The following TADA2A variants were observed in gnomAD, a reference collection of about 807,000 sequenced individuals.
TADA2A encodes transcriptional adaptor 2A.
In TADA2A, 38 loss-of-function variants were observed where a neutral mutation model predicts 67.4. The ratio of observed to expected loss-of-function variants is 0.56; its 90% confidence interval spans 0.44 to 0.74. TADA2A has a LOEUF of 0.74. TADA2A is among the 30% of genes least tolerant of loss of function. The probability of loss-of-function intolerance (pLI) is 0.00; values close to 1 mark genes in which losing one functional copy is unlikely to be tolerated. For synonymous variants in TADA2A, 192 were observed against 181.6 expected, an observed-to-expected ratio of 1.06 and a Z score of -0.46; for missense variants, 454 against 547.0, an observed-to-expected ratio of 0.83 and a Z score of 1.70.
intron 5 of TADA2A, among the ~76,000 whole-genome samples, chr17:37,439,563 G>A (rs1471082120): frequency 6.6e-6 from 1 of 152,076 alleles, no homozygotes; most frequent in Non-Finnish European, 1.5e-5. Flanking sequence ...AATAACAGAT[G>A]TGCCCCACCA....
intron 2 of TADA2A, among the ~76,000 whole-genome samples, chr17:37,411,787 CGAT>C (rs1489190258): frequency 1.1e-4 from 16 of 151,648 alleles, no homozygotes; most frequent in African/African-American, 3.4e-4. Flanking sequence ...GAAAAATAAA[CGAT>C]GAAGTTAGGC....
chr17:37,434,807 G>T (rs1043488808), intron 4 of TADA2A, among the ~76,000 whole-genome samples: 2 of 70,650 alleles, frequency 2.8e-5, no homozygotes, highest in Admixed American at 3.8e-4. Flanking sequence ...TGGTTCCCTA[G>T]CATCCTCTAC....
chr17:37,474,601 C>T lies in TADA2A; in HGVS notation c.1118C>T (p.Thr373Ile). The T allele has an allele frequency of 6.2e-7, 1 of 1,613,208 alleles. No individual in the cohort carries two copies. The highest frequency in any genetic ancestry group is 8.5e-7 in the Non-Finnish European group (1 of 1,179,728). ...TTGAACCTCACTGGCCTCCCTGGCA[C>T]AGAGAAGCTGAATGAAAAAGAAAAG... ...PPLNLTGLPG[T>I]EKLNEKEKEL... The change falls in exon 15 of 16, where the codon ACA becomes ATA. Residue 373 changes from threonine (T) to isoleucine (I), a missense_variant. Thr to Ile is a moderately conservative substitution (Grantham distance 89, BLOSUM62 -1). This residue lies in a region of TADA2A where 51 missense variants were observed against 91.5 expected (regional missense o/e 0.56). Coordinates refer to ENST00000615182, the MANE Select transcript of TADA2A (RefSeq NM_001166105.3).
intron 2 of TADA2A, among the ~76,000 whole-genome samples, chr17:37,413,812 T>C: frequency 6.6e-6 from 1 of 152,108 alleles, no homozygotes; most frequent in Non-Finnish European, 1.5e-5. Flanking sequence ...TTAGTTTTTA[T>C]TTTAAGTTCA....
At chr17:37,468,044 T>A (rs1199151201) in intron 12 of TADA2A, among the ~76,000 whole-genome samples, 2 of 151,664 alleles carry the variant, frequency 1.3e-5, no homozygotes, top group Non-Finnish European at 2.9e-5. Flanking sequence ...ATGGTGCCAC[T>A]GTACTCCAGC....
Position 37,462,109 on chromosome 17 carries a change from A to T in TADA2A, c.700A>T (p.Arg234Ter), listed in dbSNP as rs774675965. ...IIRDHGLINL[R>*]KFQLMERRYP... ...AAGAGACCATGGATTAATCAACCTT[A>T]GAAAGTTTCAATGTAAGTATTAGCA... Residue 234 changes from arginine to a stop codon, truncating the protein, a stop_gained, in exon 10 of 16, where the codon AGA becomes TGA. Transcript: ENST00000615182. LOFTEE classifies it high-confidence loss of function. 7 of 1,568,828 alleles carry T rather than the reference A, an allele frequency of 4.5e-6. No homozygotes were observed. Among genetic ancestry groups the T allele is most frequent in the Non-Finnish European group, 6.1e-6 (7 of 1,148,512 alleles).
intron 12 of TADA2A, among the ~76,000 whole-genome samples, chr17:37,469,942 G>GGAGAA (rs1251294347): frequency 1.3e-5 from 2 of 152,122 alleles, no homozygotes; most frequent in Non-Finnish European, 2.9e-5. Flanking sequence ...TAAGAAATAT[G>GGAGAA]GAGAAGAGGT....
chr17:37,438,883 G>A (rs1381880295), intron 5 of TADA2A, among the ~76,000 whole-genome samples: 1 of 152,150 alleles, frequency 6.6e-6, no homozygotes, highest in Non-Finnish European at 1.5e-5. Flanking sequence ...TCCGCTGTGG[G>A]TAAGGCACTA....
At chr17:37,457,491 C>CTT (rs71135729) in intron 8 of TADA2A, among the ~76,000 whole-genome samples, 303 of 72,392 alleles carry the variant, frequency 4.2e-3, no homozygotes, top group Non-Finnish European at 6.0e-3. Flanking sequence ...AACATTAATT[C>CTT]TTTTTTTTTT....
chr17:37,444,712 C>T lies in TADA2A; in HGVS notation c.548C>T (p.Ala183Val), dbSNP rs367698801. 3.7e-6 allele frequency: 6 copies of T among 1,613,724 alleles called. No homozygotes were observed. In the African/African-American group the frequency reaches 5.3e-5, roughly 14 times the overall value. ...CCTAAACAGGAATTTGACAATTATGCAGAATGGGACTTGAGAGACATTGAT... is the reference window on the plus strand; with the variant it reads ...CCTAAACAGGAATTTGACAATTATGTAGAATGGGACTTGAGAGACATTGAT... ...ADFIEEFDNY[A>V]EWDLRDIDFV... The change falls in exon 8 of 16, where the codon GCA becomes GTA. Residue 183 changes from alanine (A) to valine (V), a missense_variant. Transcript: ENST00000615182.
chr17:37,470,805 A>G (rs2053770878), intron 13 of TADA2A, among the ~76,000 whole-genome samples: 1 of 152,054 alleles, frequency 6.6e-6, no homozygotes, highest in African/African-American at 2.4e-5. Flanking sequence ...CTCTCTCTTC[A>G]TACCTAGATT....
intron 8 of TADA2A, among the ~76,000 whole-genome samples, chr17:37,447,496 G>C (rs2053117327): frequency 6.6e-6 from 1 of 152,012 alleles, no homozygotes; most frequent in Non-Finnish European, 1.5e-5. Flanking sequence ...CTTCAGATTT[G>C]GGTATGGTTG....
At chr17:37,447,737 G>A (rs570117275) in intron 8 of TADA2A, among the ~76,000 whole-genome samples, 2 of 152,330 alleles carry the variant, frequency 1.3e-5, no homozygotes, top group Admixed American at 6.5e-5. Context: ...AGCTCCTGTG[G>A]CAGCATGACC....
At chr17:37,417,582 TAG>T (rs1406466169) in intron 2 of TADA2A, among the ~76,000 whole-genome samples, 1 of 152,088 alleles carries the variant, frequency 6.6e-6, no homozygotes, top group Non-Finnish European at 1.5e-5. Flanking sequence ...TTGCCCATGC[TAG>T]AGTGCAGTGG....
intron 14 of TADA2A, among the ~76,000 whole-genome samples, chr17:37,471,719 T>A (rs184207297): frequency 2.2e-4 from 34 of 152,274 alleles, no homozygotes; most frequent in African/African-American, 8.2e-4. Flanking sequence ...TTGGCCAGGC[T>A]GGTCTCGAAC....
In TADA2A at chr17:37,426,119, G is replaced by A. The variant is rs1045520023; in HGVS notation, c.133-831G>A. Among the ~76,000 whole-genome samples the A allele has an allele frequency of 1.3e-4, 20 of 151,952 alleles. No individual in the cohort carries two copies. The South Asian group carries it at 2.5e-3, about 19-fold the overall frequency. ...CTGCCCTGAGTAACTAGGTCTATGG[G>A]CACAAGCCACAATGCCCAGCCCAGA... On this transcript the variant is annotated intron_variant, in intron 3 of 15. Coordinates refer to ENST00000615182, the MANE Select transcript of TADA2A (RefSeq NM_001166105.3).
chr17:37,409,982 A>C (rs529525406), intron 1 of TADA2A, among the ~76,000 whole-genome samples: 25 of 152,260 alleles, frequency 1.6e-4, no homozygotes, highest in African/African-American at 6.0e-4. Flanking sequence ...CCTGGCCAAC[A>C]TGGTGAAACC....
intron 6 of TADA2A, 108 bp downstream of exon 6, chr17:37,440,770 A>G: frequency 1.5e-6 from 2 of 1,353,152 alleles, no homozygotes; most frequent in Non-Finnish European, 2.0e-6. Context: ...GATATCACGG[A>G]AGATAGGAGG....
chr17:37,449,378 G>T (rs560898169), intron 8 of TADA2A, among the ~76,000 whole-genome samples: 1 of 152,198 alleles, frequency 6.6e-6, no homozygotes, highest in South Asian at 2.1e-4. Context: ...AGTAATAATT[G>T]CTAATACATA....
Sources: allele counts gnomAD v4.1 joint callset (sites outside exome capture counted in the v4.1 genomes callset), GRCh38; gene constraint gnomAD v4.1.1; regional missense constraint gnomAD v4.1.1; transcripts MANE v1.5; gene names NCBI Gene and HGNC (gene_info 2026-07-23, HGNC 2026-07-21).